The following SOX6 variants were observed in gnomAD, a reference collection of about 807,000 sequenced individuals.
SOX6 encodes the protein SRY-box transcription factor 6.
In SOX6, 11 loss-of-function variants were observed where a neutral mutation model predicts 97.8. The observed-to-expected ratio is 0.11, with a 90% CI of 0.07 to 0.19. The LOEUF (loss-of-function observed/expected upper bound fraction) is 0.19, where lower values mean the gene tolerates loss of function less well. SOX6 is among the 10% of genes least tolerant of loss of function. SOX6 has a pLI of 1.00. For missense variants in SOX6, 810 were observed against 1,039.5 expected (o/e 0.78, Z 3.04); for synonymous variants, 360 against 371.4 (o/e 0.97, Z 0.35).
At position 16,452,583 on chromosome 11, in the gene SOX6, CAAA is replaced by C. The variant is rs375907972; in HGVS notation, c.-5+23729_-5+23731del. Among the ~76,000 whole-genome samples, 175 of 152,090 alleles carry C rather than the reference CAAA, an allele frequency of 1.2e-3. 1 individual carries two copies. The highest frequency in any genetic ancestry group is 7.7e-3 in the South Asian group (37 of 4,812). On this transcript the variant is annotated intron_variant, in intron 1 of 15. Transcript: ENST00000396356. ...GAAGTTTTCTTCAGTAGTTCTAAAACAAAAAAATCTGTAGTGCTTTAAGTGAAA... is the reference window on the plus strand; with the variant it reads ...GAAGTTTTCTTCAGTAGTTCTAAAACAAAATCTGTAGTGCTTTAAGTGAAA...
chr11:16,018,462 C>T, intron 12 of SOX6, among the ~76,000 whole-genome samples: 1 of 149,560 alleles, frequency 6.7e-6, no homozygotes, highest in East Asian at 2.2e-4. Flanking sequence ...GGAAAAAAAT[C>T]AACTTCCTCT....
chr11:16,414,377 A>G (rs917009160), intron 1 of SOX6, among the ~76,000 whole-genome samples: 1 of 152,250 alleles, frequency 6.6e-6, no homozygotes, highest in Non-Finnish European at 1.5e-5. Flanking sequence ...CTGGCAGCAC[A>G]TATAAGAAAA....
At chr11:16,428,641 T>C (rs1028766878) in intron 1 of SOX6, among the ~76,000 whole-genome samples, 7 of 152,218 alleles carry the variant, frequency 4.6e-5, no homozygotes, top group South Asian at 2.1e-4. Context: ...GTTGTAGATA[T>C]GTGGCATTAT....
intron 2 of SOX6, among the ~76,000 whole-genome samples, chr11:16,718,555 T>A (rs1338575482): frequency 6.6e-6 from 1 of 152,180 alleles, no homozygotes; most frequent in Non-Finnish European, 1.5e-5. Context: ...TAAATTTTTT[T>A]AAATCAGTAT....
intron 1 of SOX6, among the ~76,000 whole-genome samples, chr11:16,434,919 T>C (rs1464799391): frequency 6.6e-6 from 1 of 152,194 alleles, no homozygotes; most frequent in Admixed American, 6.5e-5. Context: ...TTAGATGTTA[T>C]ATAAAATATT....
chr11:16,361,755 C>T (rs1205409349), intron 1 of SOX6, among the ~76,000 whole-genome samples: 1 of 152,150 alleles, frequency 6.6e-6, no homozygotes, highest in Admixed American at 6.6e-5. Context: ...CAAGGAAAAA[C>T]TGGAAAACTG....
At chr11:16,236,354 CTAAGT>C (rs1353617362) in intron 3 of SOX6, among the ~76,000 whole-genome samples, 7 of 151,938 alleles carry the variant, frequency 4.6e-5, no homozygotes, top group Non-Finnish European at 1.0e-4. Context: ...AATGATAATA[CTAAGT>C]TAAGAGTTAG....
chr11:16,313,397 C>G (rs1178034153), intron 3 of SOX6: 1 of 152,080 alleles, frequency 6.6e-6, no homozygotes, highest in South Asian at 2.1e-4. Context: ...ATCACACAGG[C>G]TTGTCTCTCA....
intron 3 of SOX6, among the ~76,000 whole-genome samples, chr11:16,630,607 G>A (rs1348075625): frequency 6.6e-6 from 1 of 152,014 alleles, no homozygotes; most frequent in Non-Finnish European, 1.5e-5. Context: ...ATTAGGTCCA[G>A]TTGGTCAAGT....
intron 3 of SOX6, among the ~76,000 whole-genome samples, chr11:16,285,518 G>A (rs1427340614): frequency 6.6e-6 from 1 of 152,000 alleles, no homozygotes; most frequent in African/African-American, 2.4e-5. Flanking sequence ...TGGGCAGCAA[G>A]AGCGAAACTC....
At chr11:16,462,041 A>G (rs1434642583) in intron 1 of SOX6, among the ~76,000 whole-genome samples, 5 of 152,254 alleles carry the variant, frequency 3.3e-5, no homozygotes, top group African/African-American at 1.2e-4. Context: ...GTGGAGCTGA[A>G]TTAGTTTCCA....
intron 9 of SOX6, among the ~76,000 whole-genome samples, chr11:16,075,541 C>A (rs1261543088): frequency 6.6e-6 from 1 of 152,062 alleles, no homozygotes; most frequent in Non-Finnish European, 1.5e-5. Flanking sequence ...TCATTCTCAG[C>A]AAAATATCAC....
chr11:16,338,945 T>C (rs1400763797), intron 2 of SOX6, among the ~76,000 whole-genome samples: 1 of 152,064 alleles, frequency 6.6e-6, no homozygotes, highest in Non-Finnish European at 1.5e-5. Flanking sequence ...ATAAGTATAG[T>C]GTTCTCAAAG....
At chr11:16,329,015 A>G in intron 2 of SOX6, among the ~76,000 whole-genome samples, 1 of 152,256 alleles carries the variant, frequency 6.6e-6, no homozygotes, top group Non-Finnish European at 1.5e-5. Flanking sequence ...CTTTTATTAA[A>G]ACTGATATTT....
chr11:16,369,210 A>T (rs1857440474), intron 1 of SOX6, among the ~76,000 whole-genome samples: 2 of 151,984 alleles, frequency 1.3e-5, no homozygotes, highest in African/African-American at 4.8e-5. Flanking sequence ...GGCTATTACT[A>T]AAAAAAATGA....
At chr11:16,509,506 T>G (rs1288203651) in intron 4 of SOX6, among the ~76,000 whole-genome samples, 1 of 151,986 alleles carries the variant, frequency 6.6e-6, no homozygotes, top group Non-Finnish European at 1.5e-5. Flanking sequence ...ACACCTTTAA[T>G]ATAACATGCT....
chr11:16,318,334 A>G, intron 3 of SOX6, 112 bp downstream of exon 3: 1 of 1,133,074 alleles, frequency 8.8e-7, no homozygotes, highest in Non-Finnish European at 1.3e-6. Flanking sequence ...TTTCCTAGCT[A>G]GTGACAATTA....
chr11:15,974,220 C>T (rs1168687827), intron 15 of SOX6, among the ~76,000 whole-genome samples: 5 of 152,022 alleles, frequency 3.3e-5, no homozygotes, highest in African/African-American at 1.2e-4. Context: ...GTACTCATGA[C>T]TTCAGGTCAA....
At chr11:16,030,327 A>G (rs554078549) in intron 12 of SOX6, among the ~76,000 whole-genome samples, 1 of 152,214 alleles carries the variant, frequency 6.6e-6, no homozygotes, top group African/African-American at 2.4e-5. Context: ...ACTTTCAATT[A>G]TTTTAAAATT....
Sources: allele counts gnomAD v4.1 joint callset (sites outside exome capture counted in the v4.1 genomes callset), GRCh38; gene constraint gnomAD v4.1.1; transcripts MANE v1.5; gene names NCBI Gene and HGNC (gene_info 2026-07-23, HGNC 2026-07-21).